Variants in VPS13B observed in about 807,000 individuals in gnomAD.
VPS13B encodes vacuolar protein sorting 13 homolog B.
Under a neutral mutation model 426.4 loss-of-function variants are expected in VPS13B, and 285 were observed. The observed-to-expected ratio is 0.67, with a 90% CI of 0.61 to 0.74. The LOEUF (loss-of-function observed/expected upper bound fraction) is 0.74. VPS13B is among the 30% of genes least tolerant of loss of function. The probability of loss-of-function intolerance (pLI) is 0.00; values close to 1 mark genes in which losing one functional copy is unlikely to be tolerated. For missense variants in VPS13B, 4,537 were observed against 4,782.6 expected (o/e 0.95, Z 1.51); for synonymous variants, 1,676 against 1,676.4 (o/e 1.00, Z 0.01).
intron 43 of VPS13B, among the ~76,000 whole-genome samples, chr8:99,798,876 T>C (rs1486850140): frequency 2.0e-5 from 3 of 152,212 alleles, no homozygotes; most frequent in Non-Finnish European, 4.4e-5. Flanking sequence ...ACAGAGTACT[T>C]GGAGAAAGGT....
At chr8:99,451,639 A>G (rs1818201987) in intron 23 of VPS13B, among the ~76,000 whole-genome samples, 1 of 152,150 alleles carries the variant, frequency 6.6e-6, no homozygotes, top group Admixed American at 6.5e-5. Flanking sequence ...CTGGTTTTCA[A>G]TCTTTGCTGT....
At chr8:99,654,667 AC>A (rs911997908) in intron 34 of VPS13B, among the ~76,000 whole-genome samples, 1 of 152,148 alleles carries the variant, frequency 6.6e-6, no homozygotes, top group Non-Finnish European at 1.5e-5. Flanking sequence ...ACCATTCACA[AC>A]TTTGGCCTCT....
chr8:99,265,128 G>A (rs1187776496), intron 17 of VPS13B, among the ~76,000 whole-genome samples: 1 of 151,966 alleles, frequency 6.6e-6, no homozygotes, highest in Non-Finnish European at 1.5e-5. Context: ...ATTATTTGAA[G>A]TTTTCTTCTG....
At chr8:99,746,058 C>T (rs1323112778) in intron 39 of VPS13B, among the ~76,000 whole-genome samples, 3 of 151,930 alleles carry the variant, frequency 2.0e-5, no homozygotes, top group South Asian at 2.1e-4. Flanking sequence ...CCCCTTATGC[C>T]GTTTACTTAT....
intron 47 of VPS13B, 103 bp downstream of exon 47, chr8:99,818,991 A>G: frequency 1.1e-6 from 1 of 949,984 alleles, no homozygotes; most frequent in East Asian, 2.7e-5. Context: ...GGGTAGGGAG[A>G]TGGGAGTGGA....
chr8:99,064,153 A>G (rs971551476), intron 3 of VPS13B, among the ~76,000 whole-genome samples: 1 of 152,232 alleles, frequency 6.6e-6, no homozygotes, highest in Non-Finnish European at 1.5e-5. Context: ...ATGGGGAGAA[A>G]CCAGAGCAGA....
intron 17 of VPS13B, among the ~76,000 whole-genome samples, chr8:99,243,696 G>C (rs1021874176): frequency 6.6e-6 from 1 of 152,118 alleles, no homozygotes; most frequent in African/African-American, 2.4e-5. Context: ...TCCATACATT[G>C]CTTGGTTATT....
chr8:99,441,828 T>C (rs1311507348), intron 22 of VPS13B, among the ~76,000 whole-genome samples: 1 of 152,186 alleles, frequency 6.6e-6, no homozygotes, highest in Admixed American at 6.5e-5. Flanking sequence ...CCTATTATGA[T>C]GTATTTATGT....
At chr8:99,086,264 T>C (rs967775900) in intron 3 of VPS13B, among the ~76,000 whole-genome samples, 10 of 152,190 alleles carry the variant, frequency 6.6e-5, no homozygotes, top group Non-Finnish European at 1.2e-4. Flanking sequence ...CTACTGAGGC[T>C]TGTGCATTCA....
intron 39 of VPS13B, among the ~76,000 whole-genome samples, chr8:99,764,966 C>T (rs1457763171): frequency 6.6e-6 from 1 of 152,114 alleles, no homozygotes; most frequent in African/African-American, 2.4e-5. Context: ...AAAGTTTTGG[C>T]TAGGCGCGGT....
At chr8:99,076,853 A>T (rs907159561) in intron 3 of VPS13B, among the ~76,000 whole-genome samples, 9 of 152,106 alleles carry the variant, frequency 5.9e-5, no homozygotes, top group African/African-American at 1.9e-4. Context: ...TAATCTATTT[A>T]CATTCAAGGT....
chr8:99,088,059 G>A (rs200379067), intron 3 of VPS13B, among the ~76,000 whole-genome samples: 11 of 151,512 alleles, frequency 7.3e-5, no homozygotes, highest in African/African-American at 2.2e-4. Context: ...TGGCATGCAC[G>A]TGTAATCCCA....
chr8:99,293,602 G>A (rs1001846069), intron 19 of VPS13B, among the ~76,000 whole-genome samples: 15 of 133,690 alleles, frequency 1.1e-4, no homozygotes, highest in African/African-American at 8.4e-5. Flanking sequence ...AGAGTGAACA[G>A]GCAACCTACA....
At chr8:99,629,832 C>T (rs1473074608) in intron 33 of VPS13B, among the ~76,000 whole-genome samples, 1 of 152,132 alleles carries the variant, frequency 6.6e-6, no homozygotes, top group Non-Finnish European at 1.5e-5. Context: ...ATTTCAGGTT[C>T]CCATAATTGT....
chr8:99,440,251 A>T (rs1404047979), intron 22 of VPS13B, among the ~76,000 whole-genome samples: 1 of 152,100 alleles, frequency 6.6e-6, no homozygotes, highest in African/African-American at 2.4e-5. Flanking sequence ...ATATTTTTTT[A>T]AAAGATCATT....
At chr8:99,294,446 C>T (rs62534569) in intron 19 of VPS13B, among the ~76,000 whole-genome samples, 2 of 143,878 alleles carry the variant, frequency 1.4e-5, no homozygotes, top group African/African-American at 2.6e-5. Flanking sequence ...TGCTAGATGA[C>T]GAGTTAGTGG....
chr8:99,818,386 C>A, intron 45 of VPS13B, 65 bp from the exon 46 acceptor site: 1 of 1,427,832 alleles, frequency 7.0e-7, no homozygotes, highest in Non-Finnish European at 9.9e-7. Context: ...TGTATCTGTG[C>A]CTTATTTTGA....
At chr8:99,571,741 C>T (rs562980454) in intron 31 of VPS13B, among the ~76,000 whole-genome samples, 3 of 152,092 alleles carry the variant, frequency 2.0e-5, no homozygotes, top group Non-Finnish European at 4.4e-5. Context: ...GGAATTTGAG[C>T]TATTAGGCTA....
chr8:99,418,474 TC>T (rs1171185756), intron 21 of VPS13B, among the ~76,000 whole-genome samples: 1 of 144,954 alleles, frequency 6.9e-6, no homozygotes, highest in Non-Finnish European at 1.5e-5. Flanking sequence ...TTTCTTTCTT[TC>T]TTTCTTTCTT....
Sources: gnomAD v4.1 joint callset for allele counts (sites outside exome capture counted in the v4.1 genomes callset) on GRCh38, gnomAD v4.1.1 for gene constraint, MANE v1.5 for transcripts, NCBI Gene and HGNC (gene_info 2026-07-23, HGNC 2026-07-21) for gene names.